The following CDYL variants were observed in gnomAD, a reference collection of about 807,000 sequenced individuals.
The protein encoded by CDYL is chromodomain Y like, also known as chromodomain Y-like protein.
A neutral mutation model predicts 47.3 loss-of-function variants in CDYL; 8 were observed. The ratio of observed to expected loss-of-function variants is 0.17; its 90% CI spans 0.10 to 0.31. CDYL has a LOEUF of 0.31. Among genes scored for constraint, CDYL ranks in the 10% least tolerant of loss-of-function variants. CDYL has a pLI of 1.00. For missense variants in CDYL, 471 were observed against 701.4 expected, an observed-to-expected ratio of 0.67 and a Z score of 3.71; for synonymous variants, 266 against 265.0, an observed-to-expected ratio of 1.00 and a Z score of -0.04.
chr6:4,758,351 A>AAAATATAT (rs1554134098), intron 3 of CDYL, among the ~76,000 whole-genome samples: 1 of 129,074 alleles, frequency 7.7e-6, no homozygotes, highest in African/African-American at 3.1e-5. Flanking sequence ...AAAATAAATA[A>AAAATATAT]ATATATATAT....
rs561508446 is a variant in CDYL, at chr6:4,723,459, C to G, written c.103+7578C>G. Reference sequence around the variant, plus strand: ...GACAGTGTCACAAAGAGGCTATTTACAGAGGTGTGGGCATAGTTAGAGAAA... The same window carrying G: ...GACAGTGTCACAAAGAGGCTATTTAGAGAGGTGTGGGCATAGTTAGAGAAA... On this transcript the variant is annotated intron_variant, in intron 2 of 8. Transcript: ENST00000328908. 1.4e-4 allele frequency among the ~76,000 whole-genome samples: 22 copies of G among 152,190 alleles called. No homozygotes were observed. In the South Asian group the frequency reaches 4.6e-3, roughly 32 times the overall value.
At chr6:4,907,290 G>A (rs1373155960) in intron 2 of CDYL, among the ~76,000 whole-genome samples, 7 of 152,240 alleles carry the variant, frequency 4.6e-5, no homozygotes, top group Non-Finnish European at 8.8e-5. Flanking sequence ...ATGAGTTATG[G>A]AAGGATTGGA....
At chr6:4,849,272 C>A (rs1028428780) in intron 1 of CDYL, among the ~76,000 whole-genome samples, 10 of 152,090 alleles carry the variant, frequency 6.6e-5, no homozygotes, top group African/African-American at 2.4e-4. Flanking sequence ...TTGAAGGGGG[C>A]TTCATAATGG....
At chr6:4,835,804 C>G (rs546657278) in intron 1 of CDYL, among the ~76,000 whole-genome samples, 8 of 152,162 alleles carry the variant, frequency 5.3e-5, no homozygotes, top group African/African-American at 1.4e-4. Context: ...CTCCCAGCCT[C>G]GTTGCCGCCT....
rs1201245365 is a variant in CDYL, at chr6:4,894,855, GTATA to G, written c.691+2478_691+2481del. ...AAGTCGTGTGTGTGTGTGTGTGTGT[GTATA>G]TGTGTATATACACACATGTGTATGT... On this transcript the variant is annotated intron_variant, in intron 2 of 6. Coordinates refer to ENST00000397588, the MANE Select transcript of CDYL (RefSeq NM_004824.4). 2.2e-3 allele frequency among the ~76,000 whole-genome samples: 200 copies of G among 91,586 alleles called. 1 individual carries two copies. Among genetic ancestry groups the G allele is most frequent in the African/African-American group, 7.0e-3 (193 of 27,670 alleles). The allele number at this position is 91,586 out of a possible 152,430, so 60.1% of individuals were successfully genotyped here. A position where few individuals can be genotyped will look rare whatever the true frequency, so the allele number is the denominator to read the frequency against.
chr6:4,849,750 C>G (rs552869111), intron 1 of CDYL, among the ~76,000 whole-genome samples: 1 of 151,776 alleles, frequency 6.6e-6, no homozygotes, highest in African/African-American at 2.4e-5. Flanking sequence ...TCTTTTGCAC[C>G]TGTTAAGTGC....
chr6:4,900,343 A>G lies in CDYL; in HGVS notation c.691+7964A>G, dbSNP rs1034459243. Among the ~76,000 whole-genome samples the G allele has an allele frequency of 2.6e-5, 4 of 152,222 alleles. No homozygotes were observed. The East Asian group carries it at 7.7e-4, about 29-fold the overall frequency. ...CAAACTTACAAGTTGCAAGACCAGT[A>G]CAAGAAATACCCATATAGTATCCCT... On this transcript the variant is annotated intron_variant, in intron 2 of 6. Transcript: ENST00000397588.
At chr6:4,770,810 C>T (rs1758327534) in intron 3 of CDYL, among the ~76,000 whole-genome samples, 1 of 152,190 alleles carries the variant, frequency 6.6e-6, no homozygotes, top group African/African-American at 2.4e-5. Context: ...CTGTGCACTA[C>T]AGCAATATCA....
At chr6:4,898,933 T>C (rs1034800461) in intron 2 of CDYL, among the ~76,000 whole-genome samples, 2 of 152,242 alleles carry the variant, frequency 1.3e-5, no homozygotes, top group African/African-American at 4.8e-5. Context: ...GATTCATTGC[T>C]TGGAGCCCTC....
chr6:4,830,864 T>C (rs1276038548), intron 1 of CDYL, among the ~76,000 whole-genome samples: 2 of 151,900 alleles, frequency 1.3e-5, no homozygotes, highest in Non-Finnish European at 2.9e-5. Flanking sequence ...TTTGGTTTTT[T>C]GTTCTTGCGA....
At chr6:4,926,895 C>G (rs947118474) in intron 2 of CDYL, among the ~76,000 whole-genome samples, 2 of 152,038 alleles carry the variant, frequency 1.3e-5, no homozygotes, top group Non-Finnish European at 2.9e-5. Flanking sequence ...CTGCAGGTAC[C>G]ACACACCTTT....
chr6:4,831,346 C>T (rs1456011019), intron 1 of CDYL, among the ~76,000 whole-genome samples: 16 of 152,142 alleles, frequency 1.1e-4, no homozygotes, highest in Non-Finnish European at 2.2e-4. Flanking sequence ...ATCCTTTCCC[C>T]ATTGCTTGTT....
rs868044230 is a variant in CDYL, at chr6:4,829,902, A to C, written c.24+53095A>C. Among the ~76,000 whole-genome samples, 6 of 152,368 alleles carry C rather than the reference A, an allele frequency of 3.9e-5. 1 individual carries two copies. The Middle Eastern group carries it at 0.017, about 432-fold the overall frequency. On this transcript the variant is annotated intron_variant, in intron 1 of 6. Coordinates refer to ENST00000397588, the MANE Select transcript of CDYL (RefSeq NM_004824.4). The stretch of plus-strand genomic sequence containing the variant: ...CAGGCCAGGGAGGCACAGCAAGTAC[A>C]AGTAAAAATACCACAAACCTTTCCT...
intron 1 of CDYL, among the ~76,000 whole-genome samples, chr6:4,878,311 T>C (rs808633): frequency 0.023 from 3,442 of 152,116 alleles, 128 homozygotes; most frequent in African/African-American, 0.078. Flanking sequence ...TTGGTATTTT[T>C]TTTCCTCAAA....
intron 5 of CDYL, among the ~76,000 whole-genome samples, chr6:4,949,242 C>G (rs1013232689): frequency 6.6e-6 from 1 of 152,222 alleles, no homozygotes; most frequent in African/African-American, 2.4e-5. Context: ...AAATCTTGCA[C>G]CTCTCAGGGG....
At chr6:4,896,041 A>G (rs1762274555) in intron 2 of CDYL, among the ~76,000 whole-genome samples, 1 of 152,096 alleles carries the variant, frequency 6.6e-6, no homozygotes, top group Admixed American at 6.5e-5. Context: ...CCCCTCTCTC[A>G]CTTCTGCCTG....
intron 1 of CDYL, among the ~76,000 whole-genome samples, chr6:4,876,284 AAC>A: frequency 6.6e-6 from 1 of 152,342 alleles, no homozygotes; most frequent in East Asian, 1.9e-4. Flanking sequence ...AGCCATTAGG[AAC>A]AGAGCTCCTA....
At chr6:4,721,619 G>A (rs1757370943) in intron 2 of CDYL, among the ~76,000 whole-genome samples, 1 of 152,004 alleles carries the variant, frequency 6.6e-6, no homozygotes, top group Admixed American at 6.6e-5. Flanking sequence ...GGCCTCAACT[G>A]ACCCACCCAC....
At chr6:4,712,837 C>A (rs1034924624) in intron 1 of CDYL, among the ~76,000 whole-genome samples, 1 of 152,222 alleles carries the variant, frequency 6.6e-6, no homozygotes, top group Non-Finnish European at 1.5e-5. Context: ...CCAGCCTTCA[C>A]TCTGCCATTT....
Sources: allele counts gnomAD v4.1 joint callset (sites outside exome capture counted in the v4.1 genomes callset), GRCh38; gene constraint gnomAD v4.1.1; transcripts MANE v1.5; gene names NCBI Gene and HGNC (gene_info 2026-07-23, HGNC 2026-07-21).